The following ADAMTSL1 variants were observed in gnomAD, a reference collection of about 807,000 sequenced individuals.
The protein encoded by ADAMTSL1 is ADAMTS-like protein 1.
In ADAMTSL1, 126 loss-of-function variants were observed where a neutral mutation model predicts 201.8. The ratio of observed to expected loss-of-function variants is 0.62; its 90% CI spans 0.54 to 0.72. ADAMTSL1 has a LOEUF of 0.72. ADAMTSL1 is among the 30% of genes least tolerant of loss of function. ADAMTSL1 has a pLI of 0.00. For synonymous variants in ADAMTSL1, 1,121 were observed against 903.4 expected (o/e 1.24, Z -4.32); for missense variants, 2,679 against 2,277.8 (o/e 1.18, Z -3.59).
intron 1 of ADAMTSL1, among the ~76,000 whole-genome samples, chr9:17,956,481 G>A (rs1355967312): frequency 6.6e-6 from 1 of 152,078 alleles, no homozygotes; most frequent in East Asian, 1.9e-4. Context: ...TCAAATAAAA[G>A]ACTTAAAGAA....
At chr9:18,563,834 G>C (rs909302363) in intron 3 of ADAMTSL1, among the ~76,000 whole-genome samples, 2 of 152,190 alleles carry the variant, frequency 1.3e-5, no homozygotes, top group African/African-American at 4.8e-5. Context: ...GCCTACTCAA[G>C]CCTTGGTAAT....
intron 1 of ADAMTSL1, among the ~76,000 whole-genome samples, chr9:17,908,245 T>G (rs959585905): frequency 1.1e-4 from 17 of 152,176 alleles, no homozygotes; most frequent in African/African-American, 4.1e-4. Context: ...CCATGCTTCG[T>G]TCCTTGTCAG....
intron 14 of ADAMTSL1, among the ~76,000 whole-genome samples, chr9:18,718,832 A>G (rs573322602): frequency 1.3e-5 from 2 of 152,272 alleles, no homozygotes; most frequent in African/African-American, 2.4e-5. Flanking sequence ...TTCCTGCCTC[A>G]GGATCGTTGA....
At position 18,147,218 on chromosome 9, in the gene ADAMTSL1, G is replaced by C. The variant is rs900775669; in HGVS notation, c.88-16644G>C. On this transcript the variant is annotated intron_variant, in intron 1 of 29. Transcript: ENST00000680146. ...TGAATTCATTTTGCTGATTTGTGAGGATTTGATTCTAGCTATAGAAAACCT... is the reference window on the plus strand; with the variant it reads ...TGAATTCATTTTGCTGATTTGTGAGCATTTGATTCTAGCTATAGAAAACCT... Among the ~76,000 whole-genome samples the C allele has an allele frequency of 2.0e-5, 3 of 152,092 alleles. No homozygotes were observed. The South Asian group carries it at 6.2e-4, about 31-fold the overall frequency.
At chr9:17,923,157 GT>G (rs1239589673) in intron 1 of ADAMTSL1, among the ~76,000 whole-genome samples, 1 of 151,836 alleles carries the variant, frequency 6.6e-6, no homozygotes, top group Non-Finnish European at 1.5e-5. Context: ...CTTTAAAGTA[GT>G]TTTTTCCAAT....
intron 25 of ADAMTSL1, chr9:18,890,621 A>G: frequency 2.2e-6 from 1 of 456,032 alleles, no homozygotes; most frequent in South Asian, 1.5e-5. Context: ...CATTAATATC[A>G]GCAGTTTGAC....
At chr9:18,183,859 A>T (rs1828612126) in intron 2 of ADAMTSL1, among the ~76,000 whole-genome samples, 1 of 152,206 alleles carries the variant, frequency 6.6e-6, no homozygotes, top group Non-Finnish European at 1.5e-5. Flanking sequence ...CTTTTCTATT[A>T]TTTTGAATTT....
rs138285638 is a variant in ADAMTSL1, at chr9:18,653,166, T to C, written c.835-4473T>C. Among the ~76,000 whole-genome samples, 24 of 152,330 alleles carry C rather than the reference T, an allele frequency of 1.6e-4. No homozygotes were observed. The East Asian group carries it at 4.2e-3, about 27-fold the overall frequency. On this transcript the variant is annotated intron_variant, in intron 7 of 28. Transcript: ENST00000380548. ...GCCCATCACACAGCTAGGTTTAGGA[T>C]GCAGAGACAGAGAACTGGTTCCTCA...
intron 2 of ADAMTSL1, among the ~76,000 whole-genome samples, chr9:18,437,132 ACT>A (rs986270139): frequency 7.9e-5 from 12 of 151,202 alleles, no homozygotes; most frequent in Non-Finnish European, 1.5e-4. Context: ...GGAGGGGGAC[ACT>A]CTGCGCATCA....
intron 3 of ADAMTSL1, among the ~76,000 whole-genome samples, chr9:18,563,627 C>G (rs1405710758): frequency 1.3e-5 from 2 of 152,242 alleles, no homozygotes; most frequent in African/African-American, 4.8e-5. Flanking sequence ...CCCCTTCACC[C>G]AGGTGCTCTG....
In ADAMTSL1 at chr9:18,675,459, G is replaced by A. The variant is rs537775261; in HGVS notation, c.1086-398G>A. 3.2e-4 allele frequency among the ~76,000 whole-genome samples: 49 copies of A among 152,280 alleles called. No homozygotes were observed. In the Middle Eastern group the frequency reaches 0.027, roughly 85 times the overall value. ...TTTCATCAGAAGTGAGACAGTTACT[G>A]TAATTGCTTGGCGAGCATCTGGAAG... On this transcript the variant is annotated intron_variant, in intron 9 of 28. Coordinates refer to ENST00000380548, the MANE Select transcript of ADAMTSL1 (RefSeq NM_001040272.6).
At chr9:17,996,869 T>C (rs1023914738) in intron 1 of ADAMTSL1, among the ~76,000 whole-genome samples, 2 of 152,166 alleles carry the variant, frequency 1.3e-5, no homozygotes, top group African/African-American at 4.8e-5. Context: ...GCATATCTTT[T>C]TGGTAACATA....
At chr9:17,932,106 C>T (rs1034001695) in intron 1 of ADAMTSL1, among the ~76,000 whole-genome samples, 3 of 152,100 alleles carry the variant, frequency 2.0e-5, no homozygotes, top group Admixed American at 1.3e-4. Context: ...TGTGGGTCTT[C>T]CCCCCAAGTA....
chr9:18,660,545 A>C (rs887874452), intron 8 of ADAMTSL1, among the ~76,000 whole-genome samples: 39 of 152,160 alleles, frequency 2.6e-4, no homozygotes, highest in African/African-American at 9.2e-4. Context: ...AATTTACTGC[A>C]TTGTTCCTGT....
chr9:18,561,921 A>G (rs909996766), intron 3 of ADAMTSL1, among the ~76,000 whole-genome samples: 2 of 152,166 alleles, frequency 1.3e-5, no homozygotes, highest in African/African-American at 4.8e-5. Flanking sequence ...GTGTCCTTGC[A>G]TATGAGATGG....
At chr9:18,727,091 A>G (rs571930138) in intron 15 of ADAMTSL1, among the ~76,000 whole-genome samples, 1 of 152,246 alleles carries the variant, frequency 6.6e-6, no homozygotes, top group Non-Finnish European at 1.5e-5. Flanking sequence ...CATGTATACT[A>G]GCAGCAAATG....
chr9:18,639,358 G>T lies in ADAMTSL1; in HGVS notation c.781G>T (p.Asp261Tyr). The T allele has an allele frequency of 6.2e-7, 1 of 1,612,978 alleles. No individual in the cohort carries two copies. The highest frequency in any genetic ancestry group is 8.5e-7 in the Non-Finnish European group (1 of 1,179,304). Reference sequence around the variant, plus strand: ...TAGTGTGGACTTCCAGAAATTTCCAGACAAAGAGATACTGAGAATGGCTGG... The same window carrying T: ...TAGTGTGGACTTCCAGAAATTTCCATACAAAGAGATACTGAGAATGGCTGG... ...NSSVDFQKFP[D>Y]KEILRMAGPL... The change falls in exon 7 of 29, where the codon GAC (aspartate) becomes TAC (tyrosine). Residue 261 changes from aspartate (D) to tyrosine (Y), a missense_variant. Asp to Tyr is a radical substitution (Grantham distance 160). Transcript: ENST00000380548.
intron 19 of ADAMTSL1, among the ~76,000 whole-genome samples, chr9:18,790,721 A>T (rs10963763): frequency 0.15 from 23,180 of 152,158 alleles, 2,745 homozygotes; most frequent in East Asian, 0.32. Flanking sequence ...ATTGTCACAT[A>T]GAAGCTTACA....
intron 1 of ADAMTSL1, among the ~76,000 whole-genome samples, chr9:18,157,562 C>G (rs1200914235): frequency 1.3e-5 from 2 of 152,010 alleles, no homozygotes; most frequent in Non-Finnish European, 2.9e-5. Flanking sequence ...GCAGGAACAT[C>G]TGTACCAAGA....
Sources: allele counts gnomAD v4.1 joint callset (sites outside exome capture counted in the v4.1 genomes callset), GRCh38; gene constraint gnomAD v4.1.1; transcripts MANE v1.5; gene names NCBI Gene and HGNC (gene_info 2026-07-23, HGNC 2026-07-21).